Variants in EXOC6 observed in about 807,000 individuals in gnomAD.
EXOC6 encodes the protein SEC15-like 1.
EXOC6 carries 60 observed loss-of-function variants against 112.5 expected under a neutral mutation model. The observed-to-expected ratio is 0.53, with a 90% confidence interval of 0.43 to 0.66. EXOC6 has a LOEUF of 0.66. EXOC6 is among the 30% of genes least tolerant of loss of function. The pLI is 0.00. For missense variants in EXOC6, 855 were observed against 957.1 expected (o/e 0.89, Z 1.41); for synonymous variants, 295 against 308.0 (o/e 0.96, Z 0.44).
intron 9 of EXOC6, among the ~76,000 whole-genome samples, chr10:92,929,984 G>A (rs926558551): frequency 1.3e-5 from 2 of 152,050 alleles, no homozygotes; most frequent in South Asian, 2.1e-4. Flanking sequence ...AGGAATCCCA[G>A]GTACCTTAAA....
chr10:92,988,410 A>G (rs997327531), intron 18 of EXOC6, among the ~76,000 whole-genome samples: 6 of 152,302 alleles, frequency 3.9e-5, no homozygotes, highest in Admixed American at 6.5e-5. Context: ...TTCCTAACCT[A>G]TATCCTCTTC....
At chr10:93,050,509 C>T (rs1354774157) in intron 20 of EXOC6, among the ~76,000 whole-genome samples, 1 of 151,778 alleles carries the variant, frequency 6.6e-6, no homozygotes, top group African/African-American at 2.4e-5. Context: ...CCTGTAATCC[C>T]AGCACTTTGG....
At chr10:92,879,161 T>C (rs909594053) in intron 1 of EXOC6, among the ~76,000 whole-genome samples, 1 of 152,188 alleles carries the variant, frequency 6.6e-6, no homozygotes, top group African/African-American at 2.4e-5. Flanking sequence ...AATGCTAATG[T>C]TATTATATAG....
At position 92,870,276 on chromosome 10, in the gene EXOC6, G is replaced by T. The variant is rs529344703; in HGVS notation, c.101+21642G>T. Reference sequence around the variant, plus strand: ...ACCCAGCTCTGGCTTTTGAACTGAGGTATTTATATTTTATCATGTTAAGGA... The same window carrying T: ...ACCCAGCTCTGGCTTTTGAACTGAGTTATTTATATTTTATCATGTTAAGGA... On this transcript the variant is annotated intron_variant, in intron 1 of 21. Coordinates refer to ENST00000260762, the MANE Select transcript of EXOC6 (RefSeq NM_019053.6). 5.5e-4 allele frequency among the ~76,000 whole-genome samples: 83 copies of T among 152,128 alleles called. No individual in the cohort carries two copies. In the Middle Eastern group the frequency reaches 0.01, roughly 19 times the overall value.
chr10:92,874,143 A>G (rs1413438065), intron 1 of EXOC6, among the ~76,000 whole-genome samples: 1 of 152,048 alleles, frequency 6.6e-6, no homozygotes, highest in Non-Finnish European at 1.5e-5. Context: ...AGAAACTCTC[A>G]GTTACTCTGT....
At chr10:92,962,686 A>G (rs1173475815) in intron 17 of EXOC6, among the ~76,000 whole-genome samples, 1 of 152,144 alleles carries the variant, frequency 6.6e-6, no homozygotes, top group African/African-American at 2.4e-5. Context: ...AGCCGCTGTC[A>G]GGCCCTAAAG....
chr10:92,828,426 C>T (rs954858286), intron 1 of EXOC6, among the ~76,000 whole-genome samples: 2 of 152,156 alleles, frequency 1.3e-5, no homozygotes, highest in East Asian at 1.9e-4. Context: ...CTCGGCCTCC[C>T]GGGCTCAAGT....
rs1417286804 is a variant in EXOC6 at position 92,975,524 on chromosome 10, T to TG, written c.1953+1299dup. ...CCAGCCGCCCCGTCCAGGAGGGAGG[T>TG]GGGGGGGTCAGCCCCCCAGCCGCCC... On this transcript the variant is annotated intron_variant, in intron 18 of 21. Transcript: ENST00000260762. 6.6e-4 allele frequency among the ~76,000 whole-genome samples: 78 copies of TG among 117,614 alleles called. 2 individuals carry two copies. In the South Asian group the frequency reaches 8.8e-3, roughly 13 times the overall value. The allele number at this position is 117,614 out of a possible 152,430, so 77.2% of individuals were successfully genotyped here.
intron 18 of EXOC6, among the ~76,000 whole-genome samples, chr10:92,986,933 A>G (rs776932695): frequency 6.6e-6 from 1 of 152,046 alleles, no homozygotes; most frequent in Non-Finnish European, 1.5e-5. Context: ...TTGACTTGCT[A>G]TTCACTCCTT....
At chr10:92,968,458 T>A (rs1005321005) in intron 17 of EXOC6, among the ~76,000 whole-genome samples, 3 of 152,184 alleles carry the variant, frequency 2.0e-5, no homozygotes, top group African/African-American at 7.2e-5. Context: ...ACTGCTGGGA[T>A]TATAGGCATA....
At chr10:93,042,216 C>T (rs1328813969) in intron 20 of EXOC6, among the ~76,000 whole-genome samples, 1 of 152,168 alleles carries the variant, frequency 6.6e-6, no homozygotes, top group Admixed American at 6.5e-5. Context: ...TCACACTGTT[C>T]CATCTGCTTG....
chr10:92,840,921 G>C (rs750824234), intron 1 of EXOC6, among the ~76,000 whole-genome samples: 4 of 151,972 alleles, frequency 2.6e-5, no homozygotes, highest in Non-Finnish European at 5.9e-5. Flanking sequence ...GCCTCCCAAA[G>C]TGCTGGGATT....
chr10:92,875,860 C>T (rs532113916), intron 1 of EXOC6, among the ~76,000 whole-genome samples: 1 of 151,858 alleles, frequency 6.6e-6, no homozygotes, highest in East Asian at 1.9e-4. Context: ...ATTTTCATCC[C>T]TTTTTTATCA....
intron 2 of EXOC6, among the ~76,000 whole-genome samples, chr10:92,894,484 GGAC>G (rs781592268): frequency 1.3e-5 from 2 of 152,106 alleles, no homozygotes; most frequent in Non-Finnish European, 2.9e-5. Flanking sequence ...TATCAAAAGG[GGAC>G]CAGTGGTCAA....
At chr10:93,049,435 A>G (rs1314697071) in intron 20 of EXOC6, among the ~76,000 whole-genome samples, 1 of 152,196 alleles carries the variant, frequency 6.6e-6, no homozygotes, top group Non-Finnish European at 1.5e-5. Context: ...GGTGTAGTAC[A>G]TCCATACAAT....
intron 1 of EXOC6, among the ~76,000 whole-genome samples, chr10:92,885,345 T>C (rs916355663): frequency 1.3e-5 from 2 of 152,096 alleles, no homozygotes; most frequent in East Asian, 3.9e-4. Flanking sequence ...GCATAAGCCA[T>C]ATTTGTTCTC....
intron 1 of EXOC6, among the ~76,000 whole-genome samples, chr10:92,881,926 T>C (rs748624135): frequency 2.0e-5 from 3 of 152,136 alleles, no homozygotes; most frequent in Non-Finnish European, 4.4e-5. Context: ...TCTTCCACCA[T>C]GATTGTAAGT....
At chr10:93,038,851 A>G (rs971256511) in intron 20 of EXOC6, among the ~76,000 whole-genome samples, 2 of 152,234 alleles carry the variant, frequency 1.3e-5, no homozygotes, top group Admixed American at 1.3e-4. Context: ...AAACAAACAT[A>G]CAAAGGAAAA....
At chr10:92,899,563 A>T in intron 4 of EXOC6, 36 bp from the exon 5 acceptor site, 3 of 1,446,374 alleles carry the variant, frequency 2.1e-6, no homozygotes, top group South Asian at 1.3e-5. Flanking sequence ...TTTTCTTTTC[A>T]TTTTGAAAGC....
Sources: allele counts gnomAD v4.1 joint callset (sites outside exome capture counted in the v4.1 genomes callset), GRCh38; gene constraint gnomAD v4.1.1; transcripts MANE v1.5; gene names NCBI Gene and HGNC (gene_info 2026-07-23, HGNC 2026-07-21).